PTPRD: variants seen among roughly 807,000 people sequenced by gnomAD.
PTPRD encodes the protein receptor-type tyrosine-protein phosphatase delta.
In PTPRD, 34 loss-of-function variants were observed where a neutral mutation model predicts 214.5. That is an observed-to-expected ratio of 0.16 (90% CI 0.12 to 0.21). PTPRD has a LOEUF of 0.21. PTPRD is among the 10% of genes least tolerant of loss of function. The pLI, the probability that PTPRD is intolerant of heterozygous loss-of-function variation, is 1.00. For synonymous variants in PTPRD, 1,128 were observed against 845.7 expected, an observed-to-expected ratio of 1.33 and a Z score of -5.79; for missense variants, 2,545 against 2,398.7, an observed-to-expected ratio of 1.06 and a Z score of -1.27.
chr9:9,802,182 A>T (rs2099045089), intron 5 of PTPRD, among the ~76,000 whole-genome samples: 1 of 151,908 alleles, frequency 6.6e-6, no homozygotes, highest in South Asian at 2.1e-4. Context: ...TGATAATTTA[A>T]ACTCAGTTTA....
At chr9:10,508,069 C>T (rs995679966) in intron 2 of PTPRD, among the ~76,000 whole-genome samples, 4 of 152,154 alleles carry the variant, frequency 2.6e-5, no homozygotes, top group Non-Finnish European at 5.9e-5. Context: ...GGGCTAATAT[C>T]CACAATCTAC....
At chr9:8,902,396 G>A (rs1415726431) in intron 11 of PTPRD, among the ~76,000 whole-genome samples, 1 of 148,688 alleles carries the variant, frequency 6.7e-6, no homozygotes, top group East Asian at 2.0e-4. Context: ...AGGCTGGAGT[G>A]CAGAGGTGTG....
intron 33 of PTPRD, chr9:8,451,961 T>C: frequency 9.3e-6 from 4 of 431,376 alleles, no homozygotes; most frequent in Non-Finnish European, 1.8e-5. Flanking sequence ...GACACTGAGC[T>C]GGAGGGTAGA....
At chr9:10,460,241 T>A (rs1053379354) in intron 2 of PTPRD, among the ~76,000 whole-genome samples, 3 of 151,670 alleles carry the variant, frequency 2.0e-5, no homozygotes, top group Admixed American at 2.0e-4. Flanking sequence ...AGGACACAAA[T>A]AAGTGAAAAG....
intron 8 of PTPRD, among the ~76,000 whole-genome samples, chr9:9,511,945 T>C (rs1378405099): frequency 1.3e-5 from 2 of 151,712 alleles, no homozygotes; most frequent in Non-Finnish European, 2.9e-5. Context: ...TATTTATCCT[T>C]CTCTACTAGA....
At chr9:9,179,250 G>C (rs2099926699) in intron 10 of PTPRD, among the ~76,000 whole-genome samples, 1 of 152,042 alleles carries the variant, frequency 6.6e-6, no homozygotes, top group Admixed American at 6.6e-5. Context: ...ATACTGCATA[G>C]CATTTAATCA....
chr9:8,712,045 A>G (rs960702733), intron 12 of PTPRD, among the ~76,000 whole-genome samples: 2 of 152,238 alleles, frequency 1.3e-5, no homozygotes, highest in African/African-American at 2.4e-5. Flanking sequence ...TGCATCTGTC[A>G]AGACTCATAC....
intron 8 of PTPRD, among the ~76,000 whole-genome samples, chr9:9,506,216 A>G (rs1366423687): frequency 2.0e-5 from 3 of 151,386 alleles, no homozygotes; most frequent in African/African-American, 7.3e-5. Flanking sequence ...AACTGTCTCC[A>G]TGTTTATTAT....
At chr9:9,972,419 C>T (rs924656660) in intron 4 of PTPRD, among the ~76,000 whole-genome samples, 7 of 152,202 alleles carry the variant, frequency 4.6e-5, no homozygotes, top group Non-Finnish European at 7.4e-5. Context: ...AAGGCTATGG[C>T]GAAACTTACT....
At chr9:8,794,411 A>G (rs899304712) in intron 11 of PTPRD, among the ~76,000 whole-genome samples, 2 of 152,020 alleles carry the variant, frequency 1.3e-5, no homozygotes, top group Non-Finnish European at 2.9e-5. Context: ...TCTTTTATCT[A>G]TATCACACTA....
intron 11 of PTPRD, among the ~76,000 whole-genome samples, chr9:8,880,943 T>A (rs1277547474): frequency 6.6e-6 from 1 of 152,074 alleles, no homozygotes; most frequent in African/African-American, 2.4e-5. Flanking sequence ...ATGTATATAT[T>A]TTTTGTAGAG....
At position 8,733,788 on chromosome 9, in the gene PTPRD, T is replaced by A. The variant is rs199621346; in HGVS notation, c.56A>T (p.Asp19Val). ...AGGGGAGAATGGCTTACTCTCAGCA[T>A]CCGTGCGGAGGAAGAAAGTGAGGAG... ...LLLLTFFLRT[D>V]AETPPRFTRT... Residue 19 changes from aspartate (D) to valine (V), a missense_variant, in exon 12 of 46, where the codon GAT becomes GTT. Transcript: ENST00000381196. 479 of 1,552,574 alleles carry A rather than the reference T, an allele frequency of 3.1e-4. No individual in the cohort carries two copies. Among genetic ancestry groups the A allele is most frequent in the Admixed American group, 4.9e-4 (25 of 51,128 alleles).
At chr9:8,865,313 A>G (rs1008889108) in intron 11 of PTPRD, among the ~76,000 whole-genome samples, 2 of 152,266 alleles carry the variant, frequency 1.3e-5, no homozygotes, top group South Asian at 4.1e-4. Flanking sequence ...TACTCAATGT[A>G]ATGTTTTCAC....
chr9:9,139,016 G>A (rs1249246239), intron 10 of PTPRD, among the ~76,000 whole-genome samples: 1 of 151,888 alleles, frequency 6.6e-6, no homozygotes, highest in Non-Finnish European at 1.5e-5. Flanking sequence ...AAAACATATA[G>A]ACACTAAATA....
chr9:8,937,628 C>G (rs1244127911), intron 11 of PTPRD, among the ~76,000 whole-genome samples: 1 of 152,146 alleles, frequency 6.6e-6, no homozygotes, highest in African/African-American at 2.4e-5. Context: ...ATGTTTTTCT[C>G]TAACCTTGAC....
At chr9:9,457,648 C>T (rs2093195907) in intron 8 of PTPRD, among the ~76,000 whole-genome samples, 1 of 151,980 alleles carries the variant, frequency 6.6e-6, no homozygotes. Flanking sequence ...AGACATGTTC[C>T]AATATACAGT....
intron 14 of PTPRD, among the ~76,000 whole-genome samples, chr9:8,548,863 T>G (rs2081134168): frequency 6.6e-6 from 1 of 151,482 alleles, no homozygotes; most frequent in South Asian, 2.1e-4. Context: ...CCCAGCTAAT[T>G]TTGTATTTTT....
At chr9:9,281,952 G>C (rs1947855873) in intron 9 of PTPRD, among the ~76,000 whole-genome samples, 1 of 151,232 alleles carries the variant, frequency 6.6e-6, no homozygotes, top group Admixed American at 6.6e-5. Flanking sequence ...ATCAAGCCAT[G>C]AAAAAACATG....
rs369458721 is a variant in PTPRD, at chr9:9,441,479, A to G, written c.-236-43997T>C. Among the ~76,000 whole-genome samples, 18 of 152,344 alleles carry G rather than the reference A, an allele frequency of 1.2e-4. No homozygotes were observed. In the East Asian group the frequency reaches 2.1e-3, roughly 18 times the overall value. The stretch of plus-strand genomic sequence containing the variant: ...GAAAGTATTTGAGTTCAGCTGGAGC[A>G]TAGAGTGCTGAGGCTTCAAAAGGCA... On this transcript the variant is annotated intron_variant, in intron 8 of 45. Coordinates refer to ENST00000381196, the MANE Select transcript of PTPRD (RefSeq NM_002839.4).
Sources: gnomAD v4.1 joint callset for allele counts (sites outside exome capture counted in the v4.1 genomes callset) on GRCh38, gnomAD v4.1.1 for gene constraint, MANE v1.5 for transcripts, NCBI Gene and HGNC (gene_info 2026-07-23, HGNC 2026-07-21) for gene names.